COL19A1: variants seen among roughly 807,000 people sequenced by gnomAD.
The protein encoded by COL19A1 is collagen alpha-1(XIX) chain.
Under a neutral mutation model 190.2 loss-of-function variants are expected in COL19A1, and 159 were observed. That is an observed-to-expected ratio of 0.84 (90% CI 0.73 to 0.95). The LOEUF (loss-of-function observed/expected upper bound fraction) is 0.95. Ranked by LOEUF, COL19A1 falls within the 40% of genes least tolerant of loss-of-function variation. COL19A1 has a pLI of 0.00. For missense variants in COL19A1, 1,418 were observed against 1,431.9 expected, an observed-to-expected ratio of 0.99 and a Z score of 0.16; for synonymous variants, 509 against 458.9, an observed-to-expected ratio of 1.11 and a Z score of -1.39.
intron 14 of COL19A1, among the ~76,000 whole-genome samples, chr6:70,054,600 A>T (rs541845515): frequency 6.6e-6 from 1 of 152,336 alleles, no homozygotes; most frequent in Non-Finnish European, 1.5e-5. Flanking sequence ...TAACTTGTTT[A>T]ATGTTTTAAA....
intron 4 of COL19A1, among the ~76,000 whole-genome samples, chr6:69,923,402 T>A (rs1298365613): frequency 6.6e-6 from 1 of 151,918 alleles, no homozygotes; most frequent in Non-Finnish European, 1.5e-5. Flanking sequence ...CATTAAAAGC[T>A]CCATTTTCAG....
At chr6:70,171,236 C>T (rs1562241433) in intron 40 of COL19A1, among the ~76,000 whole-genome samples, 1 of 152,034 alleles carries the variant, frequency 6.6e-6, no homozygotes, top group African/African-American at 2.4e-5. Context: ...CCAATGTGGC[C>T]CAGGGAAGCC....
rs1473690837 is a variant in COL19A1, at chr6:70,146,857, G to A, written c.1861G>A (p.Gly621Ser). ...TGTTCACGGTTCCCCAGGGGACATAGGCCCACAAGGGATAGGAATTCCTGG... is the reference window on the plus strand; with the variant it reads ...TGTTCACGGTTCCCCAGGGGACATAAGCCCACAAGGGATAGGAATTCCTGG... ...PGVHGSPGDI[G>S]PQGIGIPGRT... Residue 621 changes from glycine to serine, a missense_variant, in exon 27 of 51, where the codon GGC becomes AGC. By Grantham distance (56) the Gly-to-Ser change is moderately conservative. Transcript: ENST00000620364. The A allele has an allele frequency of 1.3e-6, 2 of 1,588,022 alleles. No homozygotes were observed. The highest frequency in any genetic ancestry group is 8.5e-7 in the Non-Finnish European group (1 of 1,169,742).
chr6:69,910,779 G>C (rs1410806714), intron 4 of COL19A1, among the ~76,000 whole-genome samples: 1 of 152,132 alleles, frequency 6.6e-6, no homozygotes, highest in Non-Finnish European at 1.5e-5. Context: ...GAATGTATCT[G>C]TGCAGTGTAC....
intron 6 of COL19A1, among the ~76,000 whole-genome samples, chr6:69,929,973 AG>A (rs1347860124): frequency 6.6e-6 from 1 of 152,180 alleles, no homozygotes; most frequent in Non-Finnish European, 1.5e-5. Flanking sequence ...GATTATTAAA[AG>A]TAAAAATTGA....
intron 20 of COL19A1, 120 bp from the exon 21 acceptor site, chr6:70,141,773 G>A (rs144043663): frequency 3.0e-6 from 2 of 661,554 alleles, no homozygotes; most frequent in Admixed American, 5.7e-5. Context: ...ATTTTATTGT[G>A]TCTTCCATAA....
chr6:69,872,027 G>T (rs951945121), intron 1 of COL19A1, among the ~76,000 whole-genome samples: 29 of 152,112 alleles, frequency 1.9e-4, no homozygotes, highest in Admixed American at 7.2e-4. Flanking sequence ...ATGTTGGCCA[G>T]ACTTGTCTCG....
intron 10 of COL19A1, among the ~76,000 whole-genome samples, chr6:69,960,367 G>A (rs1206217489): frequency 6.6e-6 from 1 of 152,110 alleles, no homozygotes; most frequent in East Asian, 1.9e-4. Context: ...AGAACAAACT[G>A]TACTCCCTTT....
At chr6:70,092,800 T>G (rs1783011349) in intron 15 of COL19A1, among the ~76,000 whole-genome samples, 1 of 152,128 alleles carries the variant, frequency 6.6e-6, no homozygotes, top group South Asian at 2.1e-4. Flanking sequence ...ATTATGTAAC[T>G]CAGAAATACT....
At chr6:70,090,823 C>T (rs1782877213) in intron 15 of COL19A1, among the ~76,000 whole-genome samples, 1 of 152,144 alleles carries the variant, frequency 6.6e-6, no homozygotes, top group South Asian at 2.1e-4. Context: ...AAGGCCCAGC[C>T]TAATCTGGCC....
At position 69,893,192 on chromosome 6, in the gene COL19A1, G is replaced by C. The variant is rs548247753; in HGVS notation, c.92-5756G>C. The stretch of plus-strand genomic sequence containing the variant: ...AACTCTTGTTTTGCTTGATATTCGT[G>C]AATGTTTCAGCTTTTCATGAGTCCT... On this transcript the variant is annotated intron_variant, in intron 2 of 50. Coordinates refer to ENST00000620364, the MANE Select transcript of COL19A1 (RefSeq NM_001858.6). Among the ~76,000 whole-genome samples the C allele has an allele frequency of 1.4e-3, 208 of 152,286 alleles. 2 individuals are homozygous for C. Among genetic ancestry groups the C allele is most frequent in the Non-Finnish European group, 2.6e-3 (179 of 68,020 alleles).
Position 70,207,415 on chromosome 6 carries a change from C to G in COL19A1, c.*141C>G. On this transcript the variant is annotated 3_prime_UTR_variant, in exon 51 of 51. Transcript: ENST00000620364. ...GAGTAAGCCAGGCATTAAAAGCAAC[C>G]GTTTGAATCCTATTCCTATAGCAAT... 1 of 758,996 alleles carries G rather than the reference C, an allele frequency of 1.3e-6. No homozygotes were observed. Among genetic ancestry groups the G allele is most frequent in the South Asian group, 3.7e-5 (1 of 26,934 alleles). The allele number at this position is 758,996 out of a possible 1,614,324, so 47.0% of individuals were successfully genotyped here. A position where few individuals can be genotyped will look rare whatever the true frequency, so the allele number is the denominator to read the frequency against.
At chr6:69,984,992 A>G (rs548380374) in intron 11 of COL19A1, among the ~76,000 whole-genome samples, 4 of 152,222 alleles carry the variant, frequency 2.6e-5, no homozygotes, top group Non-Finnish European at 5.9e-5. Context: ...AACTGGTAAC[A>G]TTTGAAGAAA....
At position 70,209,657 on chromosome 6, in the gene COL19A1, T is replaced by C. The variant is rs184313799; in HGVS notation, c.*2383T>C. 6.6e-6 allele frequency: 1 copy of C among 152,216 alleles called. No individual in the cohort carries two copies. The highest frequency in any genetic ancestry group is 1.5e-5 in the Non-Finnish European group (1 of 68,016). The allele number at this position is 152,216 out of a possible 1,614,324, so 9.4% of individuals were successfully genotyped here. On this transcript the variant is annotated 3_prime_UTR_variant, in exon 51 of 51. Coordinates refer to ENST00000620364, the MANE Select transcript of COL19A1 (RefSeq NM_001858.6). ...AAATATAATATTGTGTGATGCATAT[T>C]ACAAAGTGGACTTGTCACAATGACA...
At chr6:69,867,976 G>C (rs1010324237) in intron 1 of COL19A1, among the ~76,000 whole-genome samples, 5 of 151,862 alleles carry the variant, frequency 3.3e-5, no homozygotes, top group Non-Finnish European at 5.9e-5. Flanking sequence ...ATTCCAAGAC[G>C]ACTCAGTCCC....
intron 2 of COL19A1, among the ~76,000 whole-genome samples, chr6:69,891,890 C>T (rs1344589351): frequency 6.6e-6 from 1 of 152,138 alleles, no homozygotes; most frequent in Non-Finnish European, 1.5e-5. Context: ...CCTCTGGATC[C>T]CTAAGATCCA....
chr6:70,037,155 T>G (rs969357210), intron 14 of COL19A1, among the ~76,000 whole-genome samples: 5 of 152,100 alleles, frequency 3.3e-5, no homozygotes, highest in Admixed American at 1.3e-4. Flanking sequence ...TTGTAGAATT[T>G]TATTTTATTT....
At chr6:70,168,528 A>G (rs1765305837) in intron 39 of COL19A1, 127 bp from the exon 40 acceptor site, 16 of 774,024 alleles carry the variant, frequency 2.1e-5, no homozygotes, top group South Asian at 4.1e-5. Context: ...TTCAAATTCA[A>G]ACTGTAATTA....
chr6:70,031,807 T>A (rs757922059), intron 12 of COL19A1, among the ~76,000 whole-genome samples: 8 of 152,162 alleles, frequency 5.3e-5, no homozygotes, highest in Non-Finnish European at 1.0e-4. Context: ...CCCCTTGAAG[T>A]AGCAACTCTC....
Sources: gnomAD v4.1 joint callset for allele counts (sites outside exome capture counted in the v4.1 genomes callset) on GRCh38, gnomAD v4.1.1 for gene constraint, MANE v1.5 for transcripts, NCBI Gene and HGNC (gene_info 2026-07-23, HGNC 2026-07-21) for gene names.